Variants in NAV1 observed in about 807,000 individuals in gnomAD.
NAV1 encodes the protein pore membrane and/or filament interacting like protein 3.
In NAV1, 18 loss-of-function variants were observed where a neutral mutation model predicts 175.2. The observed-to-expected ratio is 0.10, with a 90% CI of 0.07 to 0.15. The LOEUF is 0.15. Among genes scored for constraint, NAV1 ranks in the 10% least tolerant of loss-of-function variants. NAV1 has a pLI of 1.00. For synonymous variants in NAV1, 897 were observed against 978.7 expected, an observed-to-expected ratio of 0.92 and a Z score of 1.56; for missense variants, 1,731 against 2,436.6, an observed-to-expected ratio of 0.71 and a Z score of 6.10.
chr1:201,540,499 G>T (rs1029737188), intron 1 of NAV1, among the ~76,000 whole-genome samples: 2 of 152,228 alleles, frequency 1.3e-5, no homozygotes, highest in Non-Finnish European at 2.9e-5. Context: ...CAACTCACTT[G>T]TAATGGGACT....
chr1:201,636,016 T>C (rs1046089231), intron 2 of NAV1, among the ~76,000 whole-genome samples: 7 of 152,242 alleles, frequency 4.6e-5, no homozygotes, highest in Non-Finnish European at 1.0e-4. Flanking sequence ...CTTCCACCAC[T>C]GCTGCTCCCT....
At chr1:201,649,322 C>T (rs1234367036) in exon 1 of NAV1, 3 of 1,612,378 alleles carry the variant, frequency 1.9e-6, no homozygotes, top group Non-Finnish European at 1.7e-6. Flanking sequence ...GGCCTGTCCC[C>T]TCTGCCAAGG....
At chr1:201,786,484 G>A in exon 9 of NAV1, 1 of 1,614,048 alleles carries the variant, frequency 6.2e-7, no homozygotes, top group East Asian at 2.2e-5. Flanking sequence ...CCATACCATT[G>A]GTGGGCTGCC....
intron 3 of NAV1, among the ~76,000 whole-genome samples, chr1:201,762,622 T>C (rs1204430647): frequency 6.6e-6 from 1 of 152,260 alleles, no homozygotes. Flanking sequence ...AATGGCAGAA[T>C]TGAGTAGTTG....
At chr1:201,574,315 T>C (rs1343332172) in intron 1 of NAV1, among the ~76,000 whole-genome samples, 1 of 152,116 alleles carries the variant, frequency 6.6e-6, no homozygotes, top group Non-Finnish European at 1.5e-5. Context: ...GAGACATTCA[T>C]TCTCTGGAGA....
intron 3 of NAV1, among the ~76,000 whole-genome samples, chr1:201,743,219 A>G (rs1283942323): frequency 6.6e-6 from 1 of 152,218 alleles, no homozygotes; most frequent in African/African-American, 2.4e-5. Flanking sequence ...TAAGGAGACT[A>G]TTCTTACCAA....
chr1:201,695,315 C>T (rs1671144912), intron 1 of NAV1, among the ~76,000 whole-genome samples: 1 of 152,190 alleles, frequency 6.6e-6, no homozygotes, highest in Non-Finnish European at 1.5e-5. Flanking sequence ...CCTCACTTCA[C>T]CTTTGCCCTG....
Position 201,812,441 on chromosome 1 carries a change from C to G in NAV1, c.5025-24C>G, listed in dbSNP as rs1315288873. 1.2e-6 allele frequency: 2 copies of G among 1,612,810 alleles called. No individual in the cohort carries two copies. The highest frequency in any genetic ancestry group is 3.3e-5 in the Admixed American group (2 of 60,014). ...AATGTCCCCATTGCCACTCTGACCC[C>G]ACTTTCCCCATCCTTGGTGGCAGGA... On this transcript the variant is annotated intron_variant, in intron 26 of 29. Coordinates refer to ENST00000367296, the Ensembl canonical transcript of NAV1. This position sits in a 1 kb window ranked among gnomAD's most constrained non-coding sequence, Gnocchi z 4.6.
At position 201,649,436 on chromosome 1, in the gene NAV1, C is replaced by T. The variant is rs1162265096; in HGVS notation, c.757+11C>T. 1 of 1,460,664 alleles carries T rather than the reference C, an allele frequency of 6.8e-7. No individual in the cohort carries two copies. Among genetic ancestry groups the T allele is most frequent in the African/African-American group, 1.4e-5 (1 of 71,114 alleles). The allele number at this position is 1,460,664 out of a possible 1,614,324, so 90.5% of individuals were successfully genotyped here. A position where few individuals can be genotyped will look rare whatever the true frequency, so the allele number is the denominator to read the frequency against. Reference sequence around the variant, plus strand: ...TCAGCCAGATGCTGGGTAAGTCCTGCCGCCCCGCCCCGCCCCGCCCCTGGC... The same window carrying T: ...TCAGCCAGATGCTGGGTAAGTCCTGTCGCCCCGCCCCGCCCCGCCCCTGGC... On this transcript the variant is annotated intron_variant, in intron 1 of 29. Transcript: ENST00000367296.
chr1:201,696,446 T>A (rs1402485629), intron 1 of NAV1, among the ~76,000 whole-genome samples: 1 of 152,064 alleles, frequency 6.6e-6, no homozygotes, highest in Admixed American at 6.5e-5. Context: ...CAAAGCCCAG[T>A]GAGGAGAAAG....
In NAV1 at chr1:201,552,005, T is replaced by C. The variant is rs1287065456; in HGVS notation, c.-144+12663T>C. ...CTCTTAGTCATCTCCCCACTTCCTC[T>C]TGCTGGCCATGGCCAGAAAGAAATC... On this transcript the variant is annotated intron_variant, in intron 1 of 33. Transcript: ENST00000685211. Among the ~76,000 whole-genome samples the C allele has an allele frequency of 3.3e-5, 5 of 152,294 alleles. No homozygotes were observed. In the East Asian group the frequency reaches 9.7e-4, roughly 29 times the overall value.
At chr1:201,650,515 A>AGGCTGCCCGCCC (rs1418671838) in intron 1 of NAV1, among the ~76,000 whole-genome samples, 1 of 152,130 alleles carries the variant, frequency 6.6e-6, no homozygotes, top group Non-Finnish European at 1.5e-5. Context: ...GGTACCCGGC[A>AGGCTGCCCGCCC]GGCTGCCCGC....
At chr1:201,766,501 T>C (rs1450688383) in intron 3 of NAV1, among the ~76,000 whole-genome samples, 1 of 151,786 alleles carries the variant, frequency 6.6e-6, no homozygotes, top group Non-Finnish European at 1.5e-5. Flanking sequence ...ATCACAAAAC[T>C]GCCCAATTTC....
intron 3 of NAV1, among the ~76,000 whole-genome samples, chr1:201,749,501 A>G (rs1429323934): frequency 6.6e-6 from 1 of 152,256 alleles, no homozygotes; most frequent in Admixed American, 6.5e-5. Flanking sequence ...GGTTGCCAAC[A>G]GGCTGCTCTC....
chr1:201,782,304 C>T lies in NAV1; in HGVS notation c.1792C>T (p.Arg598Cys), dbSNP rs1436840156. 6 of 1,614,064 alleles carry T rather than the reference C, an allele frequency of 3.7e-6. No individual in the cohort carries two copies. Among genetic ancestry groups the T allele is most frequent in the East Asian group, 2.2e-5 (1 of 44,878 alleles). The change falls in exon 6 of 30, where the codon CGC (arginine) becomes TGC (cysteine). Residue 598 changes from arginine (R) to cysteine (C), a missense_variant. By Grantham distance (180) the Arg-to-Cys change is radical. This residue lies in a region of NAV1 where 634 missense variants were observed against 766.8 expected (regional missense o/e 0.83). Transcript: ENST00000367296. The surrounding 1 kb of genome is among the most constrained non-coding windows in gnomAD (Gnocchi z 5.4). Reference sequence around the variant, plus strand: ...TAAGAAGCCCCCCTCGGGCATTGCTCGCCCCTCCACTTCGGGATCCTTTGG... The same window carrying T: ...TAAGAAGCCCCCCTCGGGCATTGCTTGCCCCTCCACTTCGGGATCCTTTGG...
chr1:201,627,792 C>A (rs1375064455), intron 1 of NAV1, among the ~76,000 whole-genome samples: 1 of 152,080 alleles, frequency 6.6e-6, no homozygotes, highest in Non-Finnish European at 1.5e-5. Flanking sequence ...AAGAAACCAA[C>A]CAACCCCAGT....
At chr1:201,629,897 C>T (rs1212236063) in intron 2 of NAV1, among the ~76,000 whole-genome samples, 1 of 152,192 alleles carries the variant, frequency 6.6e-6, no homozygotes, top group African/African-American at 2.4e-5. Context: ...TGCCTGACAA[C>T]ACTTCCCCTT....
intron 3 of NAV1, among the ~76,000 whole-genome samples, chr1:201,749,343 T>C (rs766285517): frequency 7.2e-5 from 11 of 152,172 alleles, no homozygotes; most frequent in Non-Finnish European, 1.5e-4. Context: ...GCAGCAAAAG[T>C]CAGAAGGGGA....
At chr1:201,738,756 C>T (rs1334981089) in intron 3 of NAV1, among the ~76,000 whole-genome samples, 2 of 152,218 alleles carry the variant, frequency 1.3e-5, no homozygotes, top group African/African-American at 4.8e-5. Flanking sequence ...ACTGCCCAAA[C>T]ACTAGAGACT....
Sources: allele counts gnomAD v4.1 joint callset (sites outside exome capture counted in the v4.1 genomes callset), GRCh38; gene constraint gnomAD v4.1.1; regional missense constraint gnomAD v4.1.1; non-coding constraint Gnocchi (gnomAD v3.1); transcripts MANE v1.5; gene names NCBI Gene and HGNC (gene_info 2026-07-23, HGNC 2026-07-21).